PCNX1: variants seen among roughly 807,000 people sequenced by gnomAD.
The protein encoded by PCNX1 is pecanex 1, also known as pecanex-like protein 1.
PCNX1 carries 78 observed loss-of-function variants against 242.2 expected under a neutral mutation model. The ratio of observed to expected loss-of-function variants is 0.32; its 90% confidence interval spans 0.27 to 0.39. The LOEUF is 0.39. Ranked by LOEUF, PCNX1 falls within the 10% of genes least tolerant of loss-of-function variation. The pLI is 1.00. For synonymous variants in PCNX1, 1,024 were observed against 1,032.9 expected (o/e 0.99, Z 0.17); for missense variants, 2,581 against 2,856.5 (o/e 0.90, Z 2.20).
chr14:70,964,123 A>ACC (rs1264222105), intron 3 of PCNX1, among the ~76,000 whole-genome samples: 3 of 152,042 alleles, frequency 2.0e-5, no homozygotes, highest in African/African-American at 7.2e-5. Context: ...CTGGAGTGCA[A>ACC]TGGCACAATC....
At chr14:71,036,691 G>T (rs1435900446) in intron 19 of PCNX1, among the ~76,000 whole-genome samples, 1 of 152,106 alleles carries the variant, frequency 6.6e-6, no homozygotes, top group Non-Finnish European at 1.5e-5. Flanking sequence ...TTCTCATAAC[G>T]TATCCTGTTG....
chr14:70,982,927 C>CA (rs1207539830), intron 6 of PCNX1, among the ~76,000 whole-genome samples: 55 of 152,324 alleles, frequency 3.6e-4, no homozygotes, highest in African/African-American at 1.3e-3. Context: ...AGACCTGTCT[C>CA]ACAGTTAACT....
chr14:70,909,620 G>A (rs1369766486), intron 1 of PCNX1, among the ~76,000 whole-genome samples: 1 of 152,198 alleles, frequency 6.6e-6, no homozygotes, highest in Non-Finnish European at 1.5e-5. Flanking sequence ...AGTAAACTGT[G>A]TGGTCATGGT....
chr14:71,026,066 TTG>T, intron 13 of PCNX1, 49 bp from the exon 14 acceptor site: 1 of 1,235,246 alleles, frequency 8.1e-7, no homozygotes. Flanking sequence ...CAGTAGTTAT[TTG>T]TGACTCTTAA....
intron 8 of PCNX1, among the ~76,000 whole-genome samples, chr14:71,003,035 G>A (rs1176871907): frequency 6.9e-6 from 1 of 145,426 alleles, no homozygotes; most frequent in Non-Finnish European, 1.5e-5. Flanking sequence ...TGTGAAGTGT[G>A]TCCAGAAATT....
intron 1 of PCNX1, among the ~76,000 whole-genome samples, chr14:70,930,031 T>C (rs2056732154): frequency 6.6e-6 from 1 of 152,164 alleles, no homozygotes; most frequent in African/African-American, 2.4e-5. Flanking sequence ...CTCACATTTA[T>C]TTGTTGGGTT....
chr14:71,083,331 T>C (rs1441158991), intron 28 of PCNX1, among the ~76,000 whole-genome samples: 1 of 152,154 alleles, frequency 6.6e-6, no homozygotes, highest in Admixed American at 6.5e-5. Context: ...TTATGTGTCT[T>C]GGGGTTGCTC....
chr14:70,949,441 A>G (rs1211861830), intron 2 of PCNX1, among the ~76,000 whole-genome samples: 1 of 151,714 alleles, frequency 6.6e-6, no homozygotes, highest in Non-Finnish European at 1.5e-5. Context: ...ATATATGTGT[A>G]TATATGTATA....
intron 8 of PCNX1, among the ~76,000 whole-genome samples, chr14:71,002,805 A>G (rs2059542831): frequency 6.6e-6 from 1 of 152,150 alleles, no homozygotes; most frequent in Admixed American, 6.5e-5. Context: ...TGTGAATAAA[A>G]TTTCTGAACT....
chr14:71,076,168 T>C, intron 27 of PCNX1, 21 bp from the exon 28 acceptor site: 2 of 1,391,400 alleles, frequency 1.4e-6, no homozygotes, highest in Non-Finnish European at 2.0e-6. Flanking sequence ...AATTCTTTTT[T>C]TTTTGTCTTG....
chr14:71,025,702 A>G (rs746531514), intron 13 of PCNX1, among the ~76,000 whole-genome samples: 9 of 151,980 alleles, frequency 5.9e-5, no homozygotes, highest in Non-Finnish European at 1.3e-4. Context: ...ACATGGTGAA[A>G]CTCCATCTCT....
At chr14:71,061,551 A>C (rs2061326628) in intron 26 of PCNX1, among the ~76,000 whole-genome samples, 1 of 152,200 alleles carries the variant, frequency 6.6e-6, no homozygotes, top group Non-Finnish European at 1.5e-5. Context: ...CTACCACCTG[A>C]GAAGGACATT....
Position 70,960,635 on chromosome 14 carries a change from A to G in PCNX1, c.363-1591A>G, listed in dbSNP as rs1395447953. Among the ~76,000 whole-genome samples the G allele has an allele frequency of 3.3e-5, 5 of 151,956 alleles. No homozygotes were observed. In the South Asian group the frequency reaches 8.3e-4, roughly 25 times the overall value. ...ACAGGGATGCCCTCTCACCACTCCTATTCAACATAGTGTTGGAAGTTTTGG... is the reference window on the plus strand; with the variant it reads ...ACAGGGATGCCCTCTCACCACTCCTGTTCAACATAGTGTTGGAAGTTTTGG... On this transcript the variant is annotated intron_variant, in intron 2 of 35. Coordinates refer to ENST00000304743, the MANE Select transcript of PCNX1 (RefSeq NM_014982.3).
Position 70,907,929 on chromosome 14 carries a change from C to G in PCNX1, c.79C>G (p.Gln27Glu). 1.3e-6 allele frequency: 2 copies of G among 1,595,680 alleles called. No homozygotes were observed. Among genetic ancestry groups the G allele is most frequent in the Non-Finnish European group, 1.7e-6 (2 of 1,172,672 alleles). Residue 27 changes from glutamine to glutamate, a missense_variant, in exon 1 of 36, where the codon CAG (glutamine) becomes GAG (glutamate). Gln to Glu is a conservative substitution (Grantham distance 29, BLOSUM62 2). Transcript: ENST00000304743. ...CGGGGGCTGGTACTACGACCCGCAC[C>G]AGGCCACCTTCGTGAACGCGCTGCA... The part of the protein sequence containing the change: ...LSGGWYYDPH[Q>E]ATFVNALHLY...
chr14:70,935,679 A>G (rs1248689559), intron 1 of PCNX1, among the ~76,000 whole-genome samples: 2 of 152,230 alleles, frequency 1.3e-5, no homozygotes, highest in Admixed American at 1.3e-4. Context: ...CACTTAATTA[A>G]TATCAATCGT....
At chr14:71,011,593 A>T in intron 10 of PCNX1, 44 bp downstream of exon 10, 4 of 1,062,174 alleles carry the variant, frequency 3.8e-6, no homozygotes, top group Non-Finnish European at 5.8e-6. Context: ...TTTTCAGATT[A>T]AATCTGAAAT....
intron 3 of PCNX1, among the ~76,000 whole-genome samples, chr14:70,963,908 G>A (rs769514791): frequency 2.6e-5 from 4 of 152,066 alleles, no homozygotes; most frequent in East Asian, 1.9e-4. Flanking sequence ...TGTATCATGC[G>A]GCTCATTCGG....
intron 16 of PCNX1, 51 bp downstream of exon 16, chr14:71,028,842 G>A: frequency 8.9e-7 from 1 of 1,120,738 alleles, no homozygotes; most frequent in Non-Finnish European, 1.3e-6. Context: ...ATTTCTATAT[G>A]AAGGTTGTTT....
rs542517776 is a variant in PCNX1, at chr14:71,068,704, C to T, written c.4853-4841C>T. On this transcript the variant is annotated intron_variant, in intron 26 of 35. Transcript: ENST00000304743. ...TATTTTTTATGTGAACATATACATG[C>T]ATATATGTATGTATATATAATATAC... is the stretch of plus-strand genomic sequence containing the variant. Among the ~76,000 whole-genome samples, 496 of 132,456 alleles carry T rather than the reference C, an allele frequency of 3.7e-3. 47 individuals carry two copies. The highest frequency in any genetic ancestry group is 0.014 in the African/African-American group (471 of 33,490). The allele number at this position is 132,456 out of a possible 152,430, so 86.9% of individuals were successfully genotyped here. A position where few individuals can be genotyped will look rare whatever the true frequency, so the allele number is the denominator to read the frequency against.
Sources: allele counts gnomAD v4.1 joint callset (sites outside exome capture counted in the v4.1 genomes callset), GRCh38; gene constraint gnomAD v4.1.1; transcripts MANE v1.5; gene names NCBI Gene and HGNC (gene_info 2026-07-23, HGNC 2026-07-21).